The following ZDHHC11B variants were observed in gnomAD, a reference collection of about 807,000 sequenced individuals.
The protein encoded by ZDHHC11B is zDHHC palmitoyltransferase 11B (putative), also known as probable palmitoyltransferase ZDHHC11B.
Under a neutral mutation model 42.3 loss-of-function variants are expected in ZDHHC11B, and 17 were observed. The ratio of observed to expected loss-of-function variants is 0.40; its 90% CI spans 0.27 to 0.60. ZDHHC11B has a LOEUF of 0.60. Among genes scored for constraint, ZDHHC11B ranks in the 20% least tolerant of loss-of-function variants. The pLI is 0.41. For missense variants in ZDHHC11B, 262 were observed against 463.2 expected, an observed-to-expected ratio of 0.57 and a Z score of 3.99; for synonymous variants, 123 against 193.5, an observed-to-expected ratio of 0.64 and a Z score of 3.02.
At chr5:778,107 C>T (rs1404628761) in intron 1 of ZDHHC11B, among the ~76,000 whole-genome samples, 3 of 151,910 alleles carry the variant, frequency 2.0e-5, no homozygotes, top group African/African-American at 4.8e-5. Flanking sequence ...GACGCTGCGG[C>T]GGAGACTGAT....
At chr5:776,710 G>A (rs900749329) in intron 1 of ZDHHC11B, among the ~76,000 whole-genome samples, 4 of 151,992 alleles carry the variant, frequency 2.6e-5, no homozygotes, top group Non-Finnish European at 4.4e-5. Flanking sequence ...CAGCCCTCCT[G>A]TCCCACCAAG....
chr5:743,877 C>A (rs546527360), intron 9 of ZDHHC11B, among the ~76,000 whole-genome samples: 3 of 149,666 alleles, frequency 2.0e-5, no homozygotes, highest in Non-Finnish European at 3.0e-5. Context: ...CTGGGCTGGC[C>A]GGAATGTGAC....
intron 4 of ZDHHC11B, among the ~76,000 whole-genome samples, chr5:764,170 CG>C (rs570201310): frequency 7.2e-4 from 110 of 151,928 alleles, no homozygotes; most frequent in Middle Eastern, 6.8e-3. Flanking sequence ...GAGACTTGCC[CG>C]GGATGGCCCA....
chr5:776,858 T>C (rs978585593), intron 1 of ZDHHC11B, among the ~76,000 whole-genome samples: 3 of 151,950 alleles, frequency 2.0e-5, no homozygotes, highest in East Asian at 1.9e-4. Context: ...CTTTGGCAGA[T>C]GGTTCTTGTT....
rs564234154 is a variant in ZDHHC11B, at chr5:719,158, A to C, written c.1059-2293T>G. Among the ~76,000 whole-genome samples the C allele has an allele frequency of 8.6e-3, 1,304 of 151,856 alleles. 21 individuals carry two copies. Among genetic ancestry groups the C allele is most frequent in the Middle Eastern group, 0.02 (6 of 294 alleles). ...GGAAAGGGCACAAACTGATGGTTCC[A>C]GCCTTTAACAAGAGAAAATCCACAG... On this transcript the variant is annotated intron_variant, in intron 12 of 13. Transcript: ENST00000508859.
At chr5:775,565 G>A (rs1228196706) in intron 1 of ZDHHC11B, among the ~76,000 whole-genome samples, 1 of 151,908 alleles carries the variant, frequency 6.6e-6, no homozygotes, top group African/African-American at 2.4e-5. Context: ...CAGGTTCCCA[G>A]GAGCCCCGCG....
Position 725,275 on chromosome 5 carries a change from T to C in ZDHHC11B, c.1058+5159A>G, listed in dbSNP as rs537843608. Among the ~76,000 whole-genome samples, 469 of 144,404 alleles carry C rather than the reference T, an allele frequency of 3.2e-3. 3 individuals are homozygous for C. The highest frequency in any genetic ancestry group is 0.012 in the African/African-American group (450 of 37,000). The allele number at this position is 144,404 out of a possible 152,430, so 94.7% of individuals were successfully genotyped here. ...CGCCTTGAGCTGGGACTTCCCCTGCTGTGTGAGGACAACCAGAGGAGGCCG... is the reference window on the plus strand; with the variant it reads ...CGCCTTGAGCTGGGACTTCCCCTGCCGTGTGAGGACAACCAGAGGAGGCCG... On this transcript the variant is annotated intron_variant, in intron 12 of 13. Transcript: ENST00000508859.
chr5:735,672 A>T (rs1345389064), intron 10 of ZDHHC11B, among the ~76,000 whole-genome samples: 2 of 145,178 alleles, frequency 1.4e-5, no homozygotes, highest in African/African-American at 5.1e-5. Context: ...TAGCCTCTCC[A>T]AGCAAAATAA....
At chr5:737,219 T>C (rs1191901584) in intron 10 of ZDHHC11B, among the ~76,000 whole-genome samples, 1 of 148,236 alleles carries the variant, frequency 6.7e-6, no homozygotes, top group African/African-American at 2.5e-5. Context: ...CCAGAGGAGA[T>C]GGATAACTTC....
At chr5:754,039 C>T (rs1746157714) in intron 6 of ZDHHC11B, among the ~76,000 whole-genome samples, 2 of 135,822 alleles carry the variant, frequency 1.5e-5, no homozygotes, top group African/African-American at 5.0e-5. Context: ...CATCTATGAG[C>T]CTCCACCGTG....
intron 4 of ZDHHC11B, among the ~76,000 whole-genome samples, chr5:764,695 T>A (rs1231723075): frequency 6.6e-6 from 1 of 151,868 alleles, no homozygotes; most frequent in Non-Finnish European, 1.5e-5. Flanking sequence ...CACCGTCCCC[T>A]GCTCTGCGGC....
intron 11 of ZDHHC11B, among the ~76,000 whole-genome samples, chr5:733,433 C>T (rs905919098): frequency 2.6e-5 from 4 of 151,684 alleles, no homozygotes; most frequent in African/African-American, 9.7e-5. Flanking sequence ...CAGCACTGTC[C>T]CTCGCTGCAT....
At chr5:724,300 G>A (rs1290394814) in intron 12 of ZDHHC11B, among the ~76,000 whole-genome samples, 4 of 149,250 alleles carry the variant, frequency 2.7e-5, no homozygotes, top group African/African-American at 1.0e-4. Flanking sequence ...TCACCTCCCA[G>A]GTTCAAGCGA....
At chr5:715,389 C>T (rs548191082) in intron 13 of ZDHHC11B, among the ~76,000 whole-genome samples, 21 of 151,476 alleles carry the variant, frequency 1.4e-4, no homozygotes, top group African/African-American at 2.7e-4. Flanking sequence ...GGGAGGAGCA[C>T]GTAGACTCAG....
intron 11 of ZDHHC11B, among the ~76,000 whole-genome samples, chr5:732,967 C>T (rs751976569): frequency 7.9e-5 from 12 of 151,702 alleles, no homozygotes; most frequent in Non-Finnish European, 1.2e-4. Flanking sequence ...TGAGGTGGGA[C>T]AATTGCTTGA....
intron 4 of ZDHHC11B, among the ~76,000 whole-genome samples, chr5:760,682 G>A (rs1353862366): frequency 6.6e-6 from 1 of 151,862 alleles, no homozygotes; most frequent in Non-Finnish European, 1.5e-5. Context: ...GCCCTGCGGT[G>A]GAATCGCAGA....
chr5:764,662 G>A (rs1174313798), intron 4 of ZDHHC11B, among the ~76,000 whole-genome samples: 7 of 151,842 alleles, frequency 4.6e-5, no homozygotes, highest in African/African-American at 9.7e-5. Context: ...GGGCTCCTGC[G>A]CAGCCCGAGC....
Position 749,155 on chromosome 5 carries a change from G to A in ZDHHC11B, c.629-596C>T, listed in dbSNP as rs1745272043. On this transcript the variant is annotated intron_variant, in intron 7 of 13. Coordinates refer to ENST00000508859, the MANE Select transcript of ZDHHC11B (RefSeq NM_001351303.2). ...CGCCTGCTGGCTCTGCCGAGTCCCA[G>A]CATCCATCCCTTCCTCATGGCCCAC... Among the ~76,000 whole-genome samples, 2 of 129,480 alleles carry A rather than the reference G, an allele frequency of 1.5e-5. 1 individual carries two copies. The highest frequency in any genetic ancestry group is 1.8e-4 in the Admixed American group (2 of 11,234). The allele number at this position is 129,480 out of a possible 152,430, so 84.9% of individuals were successfully genotyped here.
At chr5:778,187 C>T (rs666943) in intron 1 of ZDHHC11B, among the ~76,000 whole-genome samples, 60,003 of 145,070 alleles carry the variant, frequency 0.41, 10,831 homozygotes, top group South Asian at 0.53. Context: ...GCCCACCACC[C>T]GGGCCAACAC....
Sources: gnomAD v4.1 joint callset for allele counts (sites outside exome capture counted in the v4.1 genomes callset) on GRCh38, gnomAD v4.1.1 for gene constraint, MANE v1.5 for transcripts, NCBI Gene and HGNC (gene_info 2026-07-23, HGNC 2026-07-21) for gene names.